The following ELP4 variants were observed in gnomAD, a reference collection of about 807,000 sequenced individuals.
ELP4 encodes the protein elongator complex protein 4.
In ELP4, 51 loss-of-function variants were observed where a neutral mutation model predicts 48.9. The observed-to-expected ratio is 1.04, with a 90% CI of 0.83 to 1.32. ELP4 has a LOEUF of 1.32. Ranked by LOEUF, ELP4 falls within the 40% of genes most tolerant of loss-of-function variation. ELP4 has a pLI of 0.00. For synonymous variants in ELP4, 210 were observed against 189.2 expected (o/e 1.11, Z -0.90); for missense variants, 519 against 514.6 (o/e 1.01, Z -0.08).
intron 9 of ELP4, among the ~76,000 whole-genome samples, chr11:31,698,887 A>C (rs1465385914): frequency 6.6e-6 from 1 of 152,210 alleles, no homozygotes; most frequent in Non-Finnish European, 1.5e-5. Flanking sequence ...ACCATGGAGC[A>C]CATGAATATA....
intron 3 of ELP4, among the ~76,000 whole-genome samples, chr11:31,583,526 C>T (rs1407989445): frequency 6.6e-6 from 1 of 152,040 alleles, no homozygotes; most frequent in Middle Eastern, 3.2e-3. Flanking sequence ...TCCTTGAACC[C>T]CAGAGTTCAA....
intron 7 of ELP4, among the ~76,000 whole-genome samples, chr11:31,636,748 T>A (rs1944986870): frequency 6.6e-6 from 1 of 151,984 alleles, no homozygotes; most frequent in South Asian, 2.1e-4. Flanking sequence ...TGAAATTTCT[T>A]ATTTCCTTCA....
At chr11:31,620,219 A>T (rs926114466) in intron 5 of ELP4, among the ~76,000 whole-genome samples, 2 of 152,042 alleles carry the variant, frequency 1.3e-5, no homozygotes, top group African/African-American at 2.4e-5. Flanking sequence ...CATTGAGGCA[A>T]GTGTGGAATA....
chr11:31,611,660 C>T (rs973828951), intron 5 of ELP4, among the ~76,000 whole-genome samples: 1 of 152,128 alleles, frequency 6.6e-6, no homozygotes, highest in South Asian at 2.1e-4. Flanking sequence ...ATCTCAACAC[C>T]GTCTATGAAC....
At chr11:31,656,410 T>C (rs1402795030) in intron 9 of ELP4, among the ~76,000 whole-genome samples, 1 of 152,016 alleles carries the variant, frequency 6.6e-6, no homozygotes, top group Non-Finnish European at 1.5e-5. Flanking sequence ...CTATTATATG[T>C]CTTAAAGTTT....
intron 1 of ELP4, among the ~76,000 whole-genome samples, chr11:31,518,261 C>G (rs1407674499): frequency 6.6e-6 from 1 of 151,746 alleles, no homozygotes; most frequent in Non-Finnish European, 1.5e-5. Context: ...CATGGGCCAC[C>G]ACGCCCATCC....
At chr11:31,632,063 A>G (rs1359354265) in intron 6 of ELP4, among the ~76,000 whole-genome samples, 154 bp from the exon 7 acceptor site, 2 of 152,092 alleles carry the variant, frequency 1.3e-5, no homozygotes, top group Non-Finnish European at 2.9e-5. Flanking sequence ...AGTTTCATTT[A>G]TACTGCTTTA....
intron 1 of ELP4, among the ~76,000 whole-genome samples, chr11:31,516,970 T>C (rs1421164369): frequency 6.6e-6 from 1 of 152,160 alleles, no homozygotes; most frequent in African/African-American, 2.4e-5. Context: ...CATTAAAACA[T>C]TTAAATATAC....
At chr11:31,603,545 G>A (rs1466457193) in intron 4 of ELP4, among the ~76,000 whole-genome samples, 2 of 151,838 alleles carry the variant, frequency 1.3e-5, no homozygotes, top group East Asian at 3.9e-4. Context: ...ACCACTAGAA[G>A]TGAAGAAACA....
intron 5 of ELP4, among the ~76,000 whole-genome samples, chr11:31,617,878 TA>T (rs1465036523): frequency 6.6e-6 from 1 of 152,080 alleles, no homozygotes; most frequent in East Asian, 1.9e-4. Context: ...GATGAGAACA[TA>T]AAATAGTAGT....
chr11:31,689,667 A>G (rs1946234499), intron 9 of ELP4, among the ~76,000 whole-genome samples: 3 of 152,024 alleles, frequency 2.0e-5, no homozygotes, highest in Non-Finnish European at 4.4e-5. Flanking sequence ...CTTATGTTCT[A>G]TGTACTGTAT....
intron 3 of ELP4, among the ~76,000 whole-genome samples, chr11:31,543,438 G>A (rs1269712941): frequency 6.6e-6 from 1 of 152,132 alleles, no homozygotes; most frequent in Non-Finnish European, 1.5e-5. Flanking sequence ...TCCTGCCTCA[G>A]CCTCCCAAGT....
At chr11:31,615,041 G>C (rs1350980824) in intron 5 of ELP4, among the ~76,000 whole-genome samples, 1 of 151,998 alleles carries the variant, frequency 6.6e-6, no homozygotes, top group East Asian at 1.9e-4. Flanking sequence ...CAGGTCAGAT[G>C]GTTGTATTGT....
chr11:31,635,708 G>C (rs1944960567), intron 7 of ELP4, among the ~76,000 whole-genome samples: 2 of 151,886 alleles, frequency 1.3e-5, no homozygotes, highest in Non-Finnish European at 2.9e-5. Flanking sequence ...AACAGTGCTG[G>C]CACATAGTAG....
At chr11:31,658,300 T>C (rs898661633) in intron 9 of ELP4, among the ~76,000 whole-genome samples, 1 of 151,916 alleles carries the variant, frequency 6.6e-6, no homozygotes, top group African/African-American at 2.4e-5. Flanking sequence ...TTTTGTAAAA[T>C]ACATTATAAA....
At chr11:31,763,965 A>G (rs763361577) in intron 9 of ELP4, among the ~76,000 whole-genome samples, 4 of 152,120 alleles carry the variant, frequency 2.6e-5, no homozygotes, top group African/African-American at 4.8e-5. Flanking sequence ...CCGAAAATCT[A>G]TAGTTATTGA....
At chr11:31,673,264 G>A (rs1158966748) in intron 9 of ELP4, among the ~76,000 whole-genome samples, 1 of 152,052 alleles carries the variant, frequency 6.6e-6, no homozygotes, top group African/African-American at 2.4e-5. Flanking sequence ...TGATCCACCT[G>A]CCTGTAATCC....
intron 9 of ELP4, among the ~76,000 whole-genome samples, chr11:31,734,167 G>A (rs1451466109): frequency 6.6e-6 from 1 of 152,130 alleles, no homozygotes; most frequent in Non-Finnish European, 1.5e-5. Context: ...ACAAAAGTCA[G>A]CACACTTTCA....
intron 9 of ELP4, among the ~76,000 whole-genome samples, chr11:31,752,361 A>G (rs958665998): frequency 2.6e-5 from 4 of 152,188 alleles, no homozygotes; most frequent in Non-Finnish European, 5.9e-5. Flanking sequence ...CAAAGAAAAT[A>G]TATTTTTCTT....
Sources: gnomAD v4.1 joint callset for allele counts (sites outside exome capture counted in the v4.1 genomes callset) on GRCh38, gnomAD v4.1.1 for gene constraint, MANE v1.5 for transcripts, NCBI Gene and HGNC (gene_info 2026-07-23, HGNC 2026-07-21) for gene names.